Variants in CDC37L1 observed in about 807,000 individuals in gnomAD.
CDC37L1 encodes cell division cycle 37 like 1, HSP90 cochaperone, also known as hsp90 co-chaperone Cdc37-like 1.
CDC37L1 carries 32 observed loss-of-function variants against 45.9 expected under a neutral mutation model. The ratio of observed to expected loss-of-function variants is 0.70; its 90% CI spans 0.53 to 0.94. The LOEUF (loss-of-function observed/expected upper bound fraction) is 0.94, where lower values mean the gene tolerates loss of function less well. Ranked by LOEUF, CDC37L1 falls within the 40% of genes least tolerant of loss-of-function variation. CDC37L1 has a pLI of 0.00. For synonymous variants in CDC37L1, 150 were observed against 133.0 expected (o/e 1.13, Z -0.88); for missense variants, 434 against 405.7 (o/e 1.07, Z -0.60).
rs1280235994 is a variant in CDC37L1, at chr9:4,701,957, C to T, written c.841C>T (p.Pro281Ser). 1.9e-6 allele frequency: 3 copies of T among 1,575,772 alleles called. No individual in the cohort carries two copies. The highest frequency in any genetic ancestry group is 1.4e-5 in the African/African-American group (1 of 72,260). Residue 281 changes from proline (P) to serine (S), a missense_variant, in exon 6 of 7, where the codon CCT (proline) becomes TCT (serine). Transcript: ENST00000381854. ...RLYSQSQSFQ[P>S]MTVQNHVPHS... is the part of the protein sequence containing the mutation. The stretch of plus-strand genomic sequence containing the variant: ...TTATTCTCAATCACAAAGTTTTCAA[C>T]CTATGACAGTTCAGAATCATGTTCC...
rs1298122968 is a variant in CDC37L1, at chr9:4,697,797, T to C, written c.665T>C (p.Val222Ala). 1 of 1,574,332 alleles carries C rather than the reference T, an allele frequency of 6.4e-7. No individual in the cohort carries two copies. The highest frequency in any genetic ancestry group is 8.7e-7 in the Non-Finnish European group (1 of 1,144,022). ...LMEQIAHQAV[V>A]MQFIMEMAKN... is the part of the protein sequence containing the mutation. Reference sequence around the variant, plus strand: ...GAACAAATAGCACATCAAGCTGTTGTAATGCAGTTTATTATGGAAATGGCC... The same window carrying C: ...GAACAAATAGCACATCAAGCTGTTGCAATGCAGTTTATTATGGAAATGGCC... The change falls in exon 5 of 7, where the codon GTA becomes GCA. Residue 222 changes from valine (V) to alanine (A), a missense_variant. Val to Ala is a moderately conservative substitution (Grantham distance 64). Transcript: ENST00000381854.
At chr9:4,701,281 CT>C (rs1324538572) in intron 5 of CDC37L1, among the ~76,000 whole-genome samples, 1 of 152,174 alleles carries the variant, frequency 6.6e-6, no homozygotes, top group Non-Finnish European at 1.5e-5. Flanking sequence ...AGTTATCATA[CT>C]TTTTCTTTCC....
intron 5 of CDC37L1, 104 bp from the exon 6 acceptor site, chr9:4,701,760 G>T: frequency 1.4e-6 from 1 of 726,248 alleles, no homozygotes; most frequent in Admixed American, 3.1e-5. Context: ...TATTCACCTT[G>T]TCATTACTTC....
chr9:4,694,769 C>T (rs927707149), intron 3 of CDC37L1, among the ~76,000 whole-genome samples: 9 of 152,002 alleles, frequency 5.9e-5, no homozygotes, highest in Admixed American at 4.6e-4. Flanking sequence ...TTCCAGGAGG[C>T]TGAGGCAGGA....
intron 1 of CDC37L1, among the ~76,000 whole-genome samples, chr9:4,682,151 TATC>T (rs1170346276): frequency 4.9e-5 from 7 of 144,122 alleles, no homozygotes; most frequent in Non-Finnish European, 1.0e-4. Flanking sequence ...CTTGATATAT[TATC>T]CTTTCTCTTT....
intron 5 of CDC37L1, among the ~76,000 whole-genome samples, chr9:4,699,651 A>G (rs1331373255): frequency 6.6e-6 from 1 of 152,198 alleles, no homozygotes; most frequent in Non-Finnish European, 1.5e-5. Flanking sequence ...CAGTAAAACT[A>G]AAAAGCAAAG....
At chr9:4,690,413 T>C (rs140089802) in intron 3 of CDC37L1, among the ~76,000 whole-genome samples, 1 of 152,222 alleles carries the variant, frequency 6.6e-6, no homozygotes, top group East Asian at 1.9e-4. Flanking sequence ...TTGTGCCGTA[T>C]TGAGATTTTG....
At chr9:4,688,738 G>T in intron 3 of CDC37L1, 132 bp downstream of exon 3, 1 of 527,838 alleles carries the variant, frequency 1.9e-6, no homozygotes, top group East Asian at 4.0e-5. Flanking sequence ...TGGCACAGCT[G>T]TATAGATCTT....
At chr9:4,682,523 T>C (rs1202168530) in intron 1 of CDC37L1, among the ~76,000 whole-genome samples, 1 of 151,844 alleles carries the variant, frequency 6.6e-6, no homozygotes, top group Non-Finnish European at 1.5e-5. Flanking sequence ...GAGATGAGGT[T>C]TCACCACGTT....
chr9:4,703,356 G>T (rs1304066845), intron 6 of CDC37L1: 133 of 180,896 alleles, frequency 7.4e-4, no homozygotes, highest in Non-Finnish European at 9.5e-4. Flanking sequence ...TACTCTGGCT[G>T]AAAAAAAAAA....
chr9:4,679,673 T>G lies in CDC37L1; in HGVS notation c.-95T>G. ...TAACGGCCCGGACCCCCGGCTGGGCTTCTGGCTCGGCGCAGCAGGTTCCAT... is the reference window on the plus strand; with the variant it reads ...TAACGGCCCGGACCCCCGGCTGGGCGTCTGGCTCGGCGCAGCAGGTTCCAT... On this transcript the variant is annotated 5_prime_UTR_variant, in exon 1 of 7. Coordinates refer to ENST00000381854, the MANE Select transcript of CDC37L1 (RefSeq NM_017913.4). 3.3e-6 allele frequency: 4 copies of G among 1,211,814 alleles called. No individual in the cohort carries two copies. Among genetic ancestry groups the G allele is most frequent in the Non-Finnish European group, 4.5e-6 (4 of 889,100 alleles). The allele number at this position is 1,211,814 out of a possible 1,614,324, so 75.1% of individuals were successfully genotyped here.
intron 6 of CDC37L1, among the ~76,000 whole-genome samples, chr9:4,702,837 C>T (rs7040112): frequency 0.041 from 5,549 of 136,982 alleles, 358 homozygotes; most frequent in African/African-American, 0.15. Flanking sequence ...TGCAGTGAGC[C>T]GAGATCGAGC....
At chr9:4,688,757 A>AT (rs377728643) in intron 3 of CDC37L1, 151 bp downstream of exon 3, 21,252 of 376,820 alleles carry the variant, frequency 0.056, 83 homozygotes, top group South Asian at 0.096. Context: ...TTGTTTTAGA[A>AT]TTTTTTTTTT....
chr9:4,684,800 G>C (rs965663764), intron 1 of CDC37L1, 77 bp from the exon 2 acceptor site: 5 of 1,067,764 alleles, frequency 4.7e-6, no homozygotes, highest in Non-Finnish European at 4.1e-6. Flanking sequence ...GAAATCCTTT[G>C]AATTAAGAAA....
At chr9:4,703,184 A>G in intron 6 of CDC37L1, 1 of 1,413,268 alleles carries the variant, frequency 7.1e-7, no homozygotes, top group South Asian at 1.6e-5. Context: ...AGAGTCCTAT[A>G]TTTAGTTTTA....
rs1156771564 is a variant in CDC37L1, at chr9:4,697,109, A to T, written c.522A>T (p.Arg174=). 1 of 1,508,446 alleles carries T rather than the reference A, an allele frequency of 6.6e-7. No homozygotes were observed. Among genetic ancestry groups the T allele is most frequent in the African/African-American group, 1.4e-5 (1 of 72,666 alleles). 93.4% of individuals were successfully genotyped at this position (1,508,446 alleles called of 1,614,324 possible). ...TTTTTTTTACAGGTATGTTGAGTCG[A>T]TGGGATGATAGCCAGAGATTTTTGT... ...QKIRHFGMLS[R]WDDSQRFLSD... is the part of the protein sequence containing the mutation. Residue 174 remains arginine, a synonymous_variant, in exon 4 of 7, where the codon CGA becomes CGT. Transcript: ENST00000381854.
intron 3 of CDC37L1, among the ~76,000 whole-genome samples, chr9:4,694,641 G>A (rs776889952): frequency 2.6e-5 from 4 of 152,130 alleles, no homozygotes; most frequent in Non-Finnish European, 5.9e-5. Flanking sequence ...GGGAGGCCGA[G>A]GCAGGTGGAT....
chr9:4,696,022 G>A (rs1480483749), intron 3 of CDC37L1, among the ~76,000 whole-genome samples: 1 of 152,216 alleles, frequency 6.6e-6, no homozygotes, highest in Non-Finnish European at 1.5e-5. Context: ...CTGACCTCAG[G>A]TGATCCGCCT....
chr9:4,706,045 C>T lies in CDC37L1; in HGVS notation c.947C>T (p.Ala316Val), dbSNP rs747197337. ...TATCTTCAGTATTCTATCAGTACAG[C>T]TCTCTGCAGCTTAAACTCGGTGGTA... is the stretch of plus-strand genomic sequence containing the variant. ...PDYLQYSIST[A>V]LCSLNSVVHK... Residue 316 changes from alanine to valine, a missense_variant, in exon 7 of 7, where the codon GCT (alanine) becomes GTT (valine). Transcript: ENST00000381854. The T allele has an allele frequency of 1.3e-6, 2 of 1,599,002 alleles. No individual in the cohort carries two copies. The highest frequency in any genetic ancestry group is 1.7e-6 in the Non-Finnish European group (2 of 1,166,462).
Sources: allele counts gnomAD v4.1 joint callset (sites outside exome capture counted in the v4.1 genomes callset), GRCh38; gene constraint gnomAD v4.1.1; transcripts MANE v1.5; gene names NCBI Gene and HGNC (gene_info 2026-07-23, HGNC 2026-07-21).